Variants in ANO3 observed in about 807,000 individuals in gnomAD.
The protein encoded by ANO3 is anoctamin 3, also known as anoctamin-3.
A neutral mutation model predicts 144.8 loss-of-function variants in ANO3; 99 were observed. That is an observed-to-expected ratio of 0.68 (90% CI 0.58 to 0.81). The LOEUF is 0.81. Ranked by LOEUF, ANO3 falls within the 30% of genes least tolerant of loss-of-function variation. The pLI, the probability that ANO3 is intolerant of heterozygous loss-of-function variation, is 0.00. For synonymous variants in ANO3, 414 were observed against 392.6 expected (o/e 1.05, Z -0.64); for missense variants, 905 against 1,202.2 (o/e 0.75, Z 3.66).
At chr11:26,335,967 G>GA (rs1273287716) in intron 1 of ANO3, among the ~76,000 whole-genome samples, 1 of 152,192 alleles carries the variant, frequency 6.6e-6, no homozygotes, top group Non-Finnish European at 1.5e-5. Flanking sequence ...AGTAAAAAGT[G>GA]AGACATCTGT....
chr11:26,477,024 A>G (rs1860010497), intron 4 of ANO3, among the ~76,000 whole-genome samples: 1 of 151,904 alleles, frequency 6.6e-6, no homozygotes, highest in African/African-American at 2.4e-5. Context: ...AATACACATT[A>G]TTATAAGATT....
At chr11:26,575,458 A>G (rs1184974296) in intron 14 of ANO3, among the ~76,000 whole-genome samples, 1 of 152,030 alleles carries the variant, frequency 6.6e-6, no homozygotes, top group Non-Finnish European at 1.5e-5. Flanking sequence ...TTGGATGGAA[A>G]TAGATTTAAA....
chr11:26,189,957 G>A (rs1851444031), intron 1 of ANO3, among the ~76,000 whole-genome samples: 1 of 152,050 alleles, frequency 6.6e-6, no homozygotes. Flanking sequence ...CTAATAGTTT[G>A]CATTCATCAA....
upstream of ANO3, chr11:26,332,127 C>A (rs982692763): frequency 3.2e-5 from 48 of 1,505,484 alleles, no homozygotes; most frequent in Non-Finnish European, 4.2e-5. Context: ...GGGCGCGTAG[C>A]CTGGAGAGCG....
At chr11:26,268,167 G>A (rs77720349) in intron 1 of ANO3, among the ~76,000 whole-genome samples, 2,612 of 152,222 alleles carry the variant, frequency 0.017, 68 homozygotes, top group African/African-American at 0.06. Context: ...TAAATAGTTG[G>A]TCATTTCAAT....
At chr11:26,586,095 T>C (rs1230816335) in intron 14 of ANO3, among the ~76,000 whole-genome samples, 4 of 152,190 alleles carry the variant, frequency 2.6e-5, no homozygotes, top group Non-Finnish European at 5.9e-5. Context: ...GCACAACTGC[T>C]TATTCTCTAG....
intron 1 of ANO3, among the ~76,000 whole-genome samples, chr11:26,259,047 T>A (rs1853122405): frequency 6.6e-6 from 1 of 152,206 alleles, no homozygotes; most frequent in Non-Finnish European, 1.5e-5. Flanking sequence ...GTCCATTCTT[T>A]CCACAATGAA....
intron 1 of ANO3, among the ~76,000 whole-genome samples, chr11:26,413,469 C>A (rs1426102751): frequency 6.6e-6 from 1 of 151,956 alleles, no homozygotes; most frequent in Admixed American, 6.6e-5. Context: ...TTTTCAACTG[C>A]AGTGTAATTA....
intron 5 of ANO3, 48 bp from the exon 6 acceptor site, chr11:26,516,779 A>G (rs1861880854): frequency 7.5e-7 from 1 of 1,326,086 alleles, no homozygotes; most frequent in African/African-American, 1.5e-5. Context: ...GCATGATATC[A>G]TCAGCTCTGA....
intron 1 of ANO3, among the ~76,000 whole-genome samples, chr11:26,414,892 C>A (rs990823142): frequency 6.6e-6 from 1 of 151,556 alleles, no homozygotes; most frequent in African/African-American, 2.4e-5. Context: ...ATAATCTGGC[C>A]AATTTGTTTG....
rs562593725 is a variant in ANO3 at position 26,193,276 on chromosome 11, G to C, written c.154+3946G>C. Among the ~76,000 whole-genome samples the C allele has an allele frequency of 3.3e-5, 5 of 151,920 alleles. 1 individual carries two copies. The South Asian group carries it at 1.0e-3, about 32-fold the overall frequency. ...CCTGCCTCAGCCTCCAGAGTAGCTG[G>C]GATTGCAGGCATGCACCACCACGCC... On this transcript the variant is annotated intron_variant, in intron 1 of 27. Transcript: ENST00000672621.
At chr11:26,478,370 G>A (rs951581351) in intron 4 of ANO3, among the ~76,000 whole-genome samples, 3 of 152,110 alleles carry the variant, frequency 2.0e-5, no homozygotes, top group Non-Finnish European at 4.4e-5. Context: ...GCCCACTTTA[G>A]GTCAAAGAGA....
chr11:26,571,990 G>GAGAGTGAA, intron 14 of ANO3: 1 of 669,660 alleles, frequency 1.5e-6, no homozygotes, highest in South Asian at 6.6e-5. Context: ...AGAGAGAGTA[G>GAGAGTGAA]AGAGTGAAAG....
At chr11:26,212,811 G>C (rs1490734751) in intron 1 of ANO3, among the ~76,000 whole-genome samples, 1 of 151,930 alleles carries the variant, frequency 6.6e-6, no homozygotes, top group Non-Finnish European at 1.5e-5. Context: ...GCCAAAAGCT[G>C]GCAAAGACAC....
chr11:26,245,511 C>T (rs1478862633), intron 1 of ANO3, among the ~76,000 whole-genome samples: 1 of 152,074 alleles, frequency 6.6e-6, no homozygotes, highest in Admixed American at 6.6e-5. Context: ...TGTCTTCTTC[C>T]CCTTCCCTGA....
rs1852959018 is a variant in ANO3 at position 26,636,391 on chromosome 11, A to G, written c.2043+1321A>G. 2.0e-5 allele frequency among the ~76,000 whole-genome samples: 3 copies of G among 152,224 alleles called. No homozygotes were observed. In the South Asian group the frequency reaches 6.2e-4, roughly 31 times the overall value. On this transcript the variant is annotated intron_variant, in intron 20 of 26. Coordinates refer to ENST00000256737, the MANE Select transcript of ANO3 (RefSeq NM_031418.4). ...GACTTGTGAATCTTTTACTACAACT[A>G]TATAATATCTCACATTAATATTTTT...
chr11:26,600,246 C>T (rs1169632821), intron 17 of ANO3, among the ~76,000 whole-genome samples: 4 of 26,292 alleles, frequency 1.5e-4, no homozygotes, highest in Middle Eastern at 0.029. Flanking sequence ...CTCCTTTCCT[C>T]TCCTCTCCTC....
At chr11:26,368,508 A>G (rs774891059) in intron 1 of ANO3, among the ~76,000 whole-genome samples, 2 of 152,152 alleles carry the variant, frequency 1.3e-5, no homozygotes, top group Non-Finnish European at 2.9e-5. Flanking sequence ...ATATGGAATA[A>G]TAGTACCTTT....
intron 14 of ANO3, chr11:26,563,372 T>G: frequency 8.7e-7 from 1 of 1,144,698 alleles, no homozygotes; most frequent in Non-Finnish European, 1.2e-6. Flanking sequence ...ATTTTAAAAT[T>G]AGATAATGGT....
Sources: gnomAD v4.1 joint callset for allele counts (sites outside exome capture counted in the v4.1 genomes callset) on GRCh38, gnomAD v4.1.1 for gene constraint, MANE v1.5 for transcripts, NCBI Gene and HGNC (gene_info 2026-07-23, HGNC 2026-07-21) for gene names.